TMPRSS11F: variants seen among roughly 807,000 people sequenced by gnomAD.
TMPRSS11F encodes transmembrane serine protease 11F.
TMPRSS11F carries 47 observed loss-of-function variants against 60.2 expected under a neutral mutation model. The observed-to-expected ratio is 0.78, with a 90% CI of 0.62 to 1.00. The LOEUF is 1.00. Among genes scored for constraint, TMPRSS11F ranks in the 50% least tolerant of loss-of-function variants. The probability of loss-of-function intolerance (pLI) is 0.00; values close to 1 mark genes in which losing one functional copy is unlikely to be tolerated. For synonymous variants in TMPRSS11F, 166 were observed against 167.3 expected (o/e 0.99, Z 0.06); for missense variants, 519 against 522.9 (o/e 0.99, Z 0.07).
chr4:68,079,825 C>T (rs1490761575), intron 3 of TMPRSS11F, among the ~76,000 whole-genome samples: 1 of 152,146 alleles, frequency 6.6e-6, no homozygotes, highest in East Asian at 1.9e-4. Flanking sequence ...CATTAAAAAA[C>T]AAAATAACAT....
At chr4:68,115,968 A>G (rs774463640) in intron 1 of TMPRSS11F, among the ~76,000 whole-genome samples, 8 of 152,314 alleles carry the variant, frequency 5.3e-5, no homozygotes, top group South Asian at 4.1e-4. Context: ...CAGCAAGAAT[A>G]AACTATCAAT....
intron 1 of TMPRSS11F, among the ~76,000 whole-genome samples, chr4:68,107,428 T>C (rs1186088244): frequency 6.6e-6 from 1 of 152,158 alleles, no homozygotes; most frequent in African/African-American, 2.4e-5. Flanking sequence ...GAGATCACTC[T>C]GCAAAGGTGA....
intron 7 of TMPRSS11F, among the ~76,000 whole-genome samples, chr4:68,067,439 G>T (rs1352956069): frequency 6.6e-6 from 1 of 152,188 alleles, no homozygotes. Context: ...AATCGCCACA[G>T]CCTGTATTCT....
chr4:68,125,896 AG>A (rs1724705336), intron 1 of TMPRSS11F, among the ~76,000 whole-genome samples: 1 of 152,192 alleles, frequency 6.6e-6, no homozygotes. Context: ...AATGCATTTC[AG>A]AAATTTAGCC....
At chr4:68,073,295 T>G (rs1723517601) in intron 4 of TMPRSS11F, among the ~76,000 whole-genome samples, 1 of 152,154 alleles carries the variant, frequency 6.6e-6, no homozygotes, top group Non-Finnish European at 1.5e-5. Flanking sequence ...TAAAAGAGAA[T>G]CATTTGATAA....
intron 1 of TMPRSS11F, among the ~76,000 whole-genome samples, chr4:68,129,410 A>ATT (rs1724776359): frequency 6.6e-6 from 1 of 152,116 alleles, no homozygotes; most frequent in Admixed American, 6.5e-5. Context: ...TTTATATTTA[A>ATT]TTTTCCCAGA....
At chr4:68,062,666 T>C (rs1324145873) in intron 8 of TMPRSS11F, 4 of 764,758 alleles carry the variant, frequency 5.2e-6, no homozygotes, top group South Asian at 2.7e-5. Context: ...GCCTATCATC[T>C]TTCTTCTCAT....
intron 8 of TMPRSS11F, chr4:68,062,437 A>G: frequency 1.6e-6 from 1 of 634,132 alleles, no homozygotes; most frequent in Non-Finnish European, 3.0e-6. Context: ...AAAAGGTTGA[A>G]TATGATTCTT....
At chr4:68,083,082 G>A (rs1723739030) in intron 3 of TMPRSS11F, among the ~76,000 whole-genome samples, 1 of 152,188 alleles carries the variant, frequency 6.6e-6, no homozygotes, top group South Asian at 2.1e-4. Flanking sequence ...CACATAAGCT[G>A]CATACCCATG....
At chr4:68,060,066 G>C (rs1278185902) in intron 8 of TMPRSS11F, among the ~76,000 whole-genome samples, 1 of 152,074 alleles carries the variant, frequency 6.6e-6, no homozygotes, top group Admixed American at 6.5e-5. Flanking sequence ...TTAGGGCTCT[G>C]GGTTGAAGCT....
chr4:68,086,177 C>G (rs969259938), intron 3 of TMPRSS11F, among the ~76,000 whole-genome samples: 12 of 152,114 alleles, frequency 7.9e-5, no homozygotes, highest in African/African-American at 2.9e-4. Flanking sequence ...CAAGCACACT[C>G]TCATACCACA....
intron 1 of TMPRSS11F, among the ~76,000 whole-genome samples, chr4:68,111,450 C>T (rs1308358647): frequency 3.3e-5 from 5 of 152,068 alleles, no homozygotes; most frequent in Admixed American, 6.6e-5. Context: ...CTCTCTATAC[C>T]CTTCAGTTTC....
In TMPRSS11F at chr4:68,072,320, T is replaced by TA; in HGVS notation, c.514+2dup. 1 of 1,535,664 alleles carries TA rather than the reference T, an allele frequency of 6.5e-7. No individual in the cohort carries two copies. The highest frequency in any genetic ancestry group is 8.8e-7 in the Non-Finnish European group (1 of 1,138,258). ...AAGTGGCAAATAAAAATAAAAGACTTACGTGTGAGTCTAAATGATGGTTTG... is the reference window on the plus strand; with the variant it reads ...AAGTGGCAAATAAAAATAAAAGACTTAACGTGTGAGTCTAAATGATGGTTTG... On this transcript the variant is annotated splice_region_variant and intron_variant, in intron 5 of 9. Transcript: ENST00000356291.
intron 1 of TMPRSS11F, among the ~76,000 whole-genome samples, chr4:68,122,797 C>T (rs1724645943): frequency 6.6e-6 from 1 of 152,160 alleles, no homozygotes; most frequent in Non-Finnish European, 1.5e-5. Flanking sequence ...TTAGTTTAGA[C>T]ATATGCACAT....
chr4:68,093,183 C>T (rs775611890), intron 2 of TMPRSS11F, among the ~76,000 whole-genome samples: 91 of 152,204 alleles, frequency 6.0e-4, no homozygotes, highest in Non-Finnish European at 8.1e-4. Flanking sequence ...TACTACATAC[C>T]ATGCACTGTG....
At position 68,053,825 on chromosome 4, in the gene TMPRSS11F, C is replaced by G; in HGVS notation, c.*84G>C. Reference sequence around the variant, plus strand: ...CTTGACATCTAGCAAAAGCACTAATCCAAAGTAAATGAATTTAAACAATAC... The same window carrying G: ...CTTGACATCTAGCAAAAGCACTAATGCAAAGTAAATGAATTTAAACAATAC... On this transcript the variant is annotated 3_prime_UTR_variant, in exon 10 of 10. Transcript: ENST00000356291. 2.2e-6 allele frequency: 3 copies of G among 1,390,096 alleles called. No homozygotes were observed. The highest frequency in any genetic ancestry group is 4.0e-5 in the Admixed American group (2 of 50,548). 86.1% of individuals were successfully genotyped at this position (1,390,096 alleles called of 1,614,324 possible). A position where few individuals can be genotyped will look rare whatever the true frequency, so the allele number is the denominator to read the frequency against.
chr4:68,110,703 C>T (rs1443828771), intron 1 of TMPRSS11F, among the ~76,000 whole-genome samples: 2 of 152,116 alleles, frequency 1.3e-5, no homozygotes, highest in African/African-American at 4.8e-5. Flanking sequence ...ATATATTTAA[C>T]ATGTCAAAGT....
In TMPRSS11F at chr4:68,068,736, C is replaced by A. The variant is rs760123921; in HGVS notation, c.637G>T (p.Ala213Ser). 5.6e-6 allele frequency: 9 copies of A among 1,614,246 alleles called. No homozygotes were observed. Among genetic ancestry groups the A allele is most frequent in the Non-Finnish European group, 7.6e-6 (9 of 1,180,042 alleles). The change falls in exon 7 of 10, where the codon GCT (alanine) becomes TCT (serine). Residue 213 changes from alanine to serine, a missense_variant. Physicochemically the swap from Ala to Ser is moderately conservative, Grantham distance 99. Transcript: ENST00000356291. Reference protein sequence around the residue: ...TQRIVQGRETAMEGEWPWQAS... With the variant: ...TQRIVQGRETSMEGEWPWQAS... The stretch of plus-strand genomic sequence containing the variant: ...TGCCATGGCCATTCCCCTTCCATAG[C>A]TGTTTCCCTTCCTTGGACAATTCTT...
In TMPRSS11F at chr4:68,123,023, T is replaced by C. The variant is rs4860281; in HGVS notation, c.11+6787A>G. On this transcript the variant is annotated intron_variant, in intron 1 of 9. Coordinates refer to ENST00000356291, the MANE Select transcript of TMPRSS11F (RefSeq NM_207407.2). Reference sequence around the variant, plus strand: ...TATCTTAGCCATCCAAATTTCCAGATAATGCTCTAAGAGAGTCAGAGTAAA... The same window carrying C: ...TATCTTAGCCATCCAAATTTCCAGACAATGCTCTAAGAGAGTCAGAGTAAA... Among the ~76,000 whole-genome samples, 712 of 152,274 alleles carry C rather than the reference T, an allele frequency of 4.7e-3. 19 individuals carry two copies. The East Asian group carries it at 0.073, about 16-fold the overall frequency.
Sources: allele counts gnomAD v4.1 joint callset (sites outside exome capture counted in the v4.1 genomes callset), GRCh38; gene constraint gnomAD v4.1.1; transcripts MANE v1.5; gene names NCBI Gene and HGNC (gene_info 2026-07-23, HGNC 2026-07-21).